The following FNDC3A variants were observed in gnomAD, a reference collection of about 807,000 sequenced individuals.
The protein encoded by FNDC3A is fibronectin type III domain containing 3A, also known as fibronectin type-III domain-containing protein 3A.
In FNDC3A, 32 loss-of-function variants were observed where a neutral mutation model predicts 148.9. The observed-to-expected ratio is 0.21, with a 90% CI of 0.16 to 0.29. The LOEUF is 0.29. FNDC3A is among the 10% of genes least tolerant of loss of function. FNDC3A has a pLI of 1.00. For missense variants in FNDC3A, 1,191 were observed against 1,452.8 expected (o/e 0.82, Z 2.93); for synonymous variants, 472 against 473.6 (o/e 1.00, Z 0.04).
chr13:49,120,560 G>A (rs976640096), intron 4 of FNDC3A, among the ~76,000 whole-genome samples: 10 of 152,112 alleles, frequency 6.6e-5, no homozygotes, highest in African/African-American at 2.2e-4. Context: ...TGGATAAAGA[G>A]TTGAGACCCA....
chr13:49,151,770 G>A (rs538814578), intron 8 of FNDC3A, among the ~76,000 whole-genome samples: 1 of 152,114 alleles, frequency 6.6e-6, no homozygotes, highest in East Asian at 1.9e-4. Context: ...GATGTTCCCG[G>A]CCCTGTGTCC....
intron 8 of FNDC3A, among the ~76,000 whole-genome samples, chr13:49,153,192 C>T (rs1014663553): frequency 1.3e-5 from 2 of 151,262 alleles, no homozygotes; most frequent in Non-Finnish European, 3.0e-5. Context: ...TGTTTCCTGA[C>T]TTTTTAATGA....
chr13:49,031,180 A>G (rs1469423474), intron 2 of FNDC3A, among the ~76,000 whole-genome samples: 1 of 152,184 alleles, frequency 6.6e-6, no homozygotes, highest in Non-Finnish European at 1.5e-5. Context: ...TGAGGTCAGA[A>G]GTTTGAGACC....
At chr13:49,115,299 T>G (rs563128121) in intron 4 of FNDC3A, among the ~76,000 whole-genome samples, 1 of 152,206 alleles carries the variant, frequency 6.6e-6, no homozygotes, top group East Asian at 1.9e-4. Flanking sequence ...ACAGGCAAAC[T>G]GAATTAAACT....
chr13:49,199,295 A>G (rs1261544064), intron 23 of FNDC3A, among the ~76,000 whole-genome samples: 1 of 151,134 alleles, frequency 6.6e-6, no homozygotes, highest in Non-Finnish European at 1.5e-5. Flanking sequence ...TGCTGAGATT[A>G]CAACTCATGA....
At position 48,987,360 on chromosome 13, in the gene FNDC3A, T is replaced by C. The variant is rs77080961; in HGVS notation, c.-40+11183T>C. Among the ~76,000 whole-genome samples, 683 of 152,360 alleles carry C rather than the reference T, an allele frequency of 4.5e-3. 10 individuals carry two copies. In the East Asian group the frequency reaches 0.045, roughly 10 times the overall value. Reference sequence around the variant, plus strand: ...CTTGGAAGCAGTTCTTTCTCTCTTGTTTCCATAGTTTCCTGACTGGAAGTA... The same window carrying C: ...CTTGGAAGCAGTTCTTTCTCTCTTGCTTCCATAGTTTCCTGACTGGAAGTA... On this transcript the variant is annotated intron_variant, in intron 1 of 25. Transcript: ENST00000492622.
intron 25 of FNDC3A, among the ~76,000 whole-genome samples, chr13:49,206,757 T>C (rs1267250734): frequency 6.6e-6 from 1 of 152,220 alleles, no homozygotes; most frequent in Non-Finnish European, 1.5e-5. Context: ...CATTGAAAAA[T>C]GACTTCTTAC....
chr13:49,052,079 C>A (rs1014109851), intron 2 of FNDC3A, among the ~76,000 whole-genome samples: 7 of 152,072 alleles, frequency 4.6e-5, no homozygotes, highest in African/African-American at 1.7e-4. Flanking sequence ...ATTTTTCTTT[C>A]ATATCCTGTA....
intron 3 of FNDC3A, among the ~76,000 whole-genome samples, chr13:49,105,395 G>T (rs998789197): frequency 9.9e-5 from 15 of 152,228 alleles, no homozygotes; most frequent in African/African-American, 3.6e-4. Flanking sequence ...AGAGATAGCA[G>T]CAGTGTTCTG....
At chr13:48,990,418 T>C (rs1174480532) in intron 1 of FNDC3A, among the ~76,000 whole-genome samples, 1 of 151,746 alleles carries the variant, frequency 6.6e-6, no homozygotes, top group African/African-American at 2.4e-5. Context: ...AAAATTATTA[T>C]TTGAATATCT....
At chr13:49,124,539 G>A (rs1881570485) in intron 4 of FNDC3A, among the ~76,000 whole-genome samples, 1 of 151,328 alleles carries the variant, frequency 6.6e-6, no homozygotes, top group African/African-American at 2.4e-5. Flanking sequence ...TATTTGAAAA[G>A]ATGATACATA....
At chr13:49,159,548 A>G (rs539805479) in intron 8 of FNDC3A, among the ~76,000 whole-genome samples, 3 of 152,196 alleles carry the variant, frequency 2.0e-5, no homozygotes, top group Non-Finnish European at 2.9e-5. Flanking sequence ...TAAATATACA[A>G]TCATGTCATC....
Position 49,097,362 on chromosome 13 carries a change from A to ATT in FNDC3A, c.176-17284_176-17283dup, listed in dbSNP as rs533067416. ...TGAGGGAAAGCCCTTGCTTTTTTAC[A>ATT]TTTTTTTTTTAAACACTTTTTCTTA... is the stretch of plus-strand genomic sequence containing the variant. On this transcript the variant is annotated intron_variant, in intron 3 of 25. Transcript: ENST00000492622. 1.5e-4 allele frequency among the ~76,000 whole-genome samples: 22 copies of ATT among 149,544 alleles called. No homozygotes were observed. In the South Asian group the frequency reaches 3.8e-3, roughly 26 times the overall value.
At chr13:49,170,116 C>A (rs193118375) in intron 10 of FNDC3A, among the ~76,000 whole-genome samples, 1 of 152,208 alleles carries the variant, frequency 6.6e-6, no homozygotes, top group East Asian at 1.9e-4. Context: ...CCTCAGATTA[C>A]CCACACAGGT....
chr13:49,096,060 G>A (rs769377632), intron 3 of FNDC3A, among the ~76,000 whole-genome samples: 2 of 151,954 alleles, frequency 1.3e-5, no homozygotes, highest in Non-Finnish European at 2.9e-5. Context: ...CTCTGTTATG[G>A]CAACAAACAC....
In FNDC3A at chr13:49,036,411, A is replaced by G. The variant is rs191743013; in HGVS notation, c.99+30122A>G. 5.9e-5 allele frequency among the ~76,000 whole-genome samples: 9 copies of G among 152,348 alleles called. No individual in the cohort carries two copies. The East Asian group carries it at 1.7e-3, about 29-fold the overall frequency. ...GAGGCTGTTATATCAGACAGCACAA[A>G]TGCTATAGGACATTTCTGTCATCAC... On this transcript the variant is annotated intron_variant, in intron 2 of 25. Transcript: ENST00000492622.
At chr13:49,105,723 A>G (rs1880133341) in intron 3 of FNDC3A, among the ~76,000 whole-genome samples, 1 of 152,294 alleles carries the variant, frequency 6.6e-6, no homozygotes, top group East Asian at 1.9e-4. Context: ...TCTAAATTAC[A>G]TCCTTCGGTT....
At chr13:49,056,411 C>G (rs1299218399) in intron 2 of FNDC3A, among the ~76,000 whole-genome samples, 1 of 152,062 alleles carries the variant, frequency 6.6e-6, no homozygotes, top group Non-Finnish European at 1.5e-5. Context: ...TGGTGTTGTA[C>G]TATAGTGTGT....
intron 3 of FNDC3A, among the ~76,000 whole-genome samples, chr13:49,114,414 CG>C (rs60789178): frequency 0.51 from 68,668 of 135,202 alleles, 18,616 homozygotes; most frequent in Non-Finnish European, 0.6. Flanking sequence ...CCAACCTCCC[CG>C]CCCCCCACCA....
Sources: allele counts gnomAD v4.1 joint callset (sites outside exome capture counted in the v4.1 genomes callset), GRCh38; gene constraint gnomAD v4.1.1; transcripts MANE v1.5; gene names NCBI Gene and HGNC (gene_info 2026-07-23, HGNC 2026-07-21).